Variants in ESCO1 observed in about 807,000 individuals in gnomAD.
ESCO1 encodes the protein establishment of sister chromatid cohesion N-acetyltransferase 1.
ESCO1 carries 33 observed loss-of-function variants against 83.5 expected under a neutral mutation model. The observed-to-expected ratio is 0.40, with a 90% confidence interval of 0.30 to 0.53. The LOEUF (loss-of-function observed/expected upper bound fraction) is 0.53, where lower values mean the gene tolerates loss of function less well. Ranked by LOEUF, ESCO1 falls within the 20% of genes least tolerant of loss-of-function variation. The probability of loss-of-function intolerance (pLI) is 0.63; values close to 1 mark genes in which losing one functional copy is unlikely to be tolerated. For missense variants in ESCO1, 855 were observed against 968.0 expected, an observed-to-expected ratio of 0.88 and a Z score of 1.55; for synonymous variants, 332 against 324.3, an observed-to-expected ratio of 1.02 and a Z score of -0.25.
intron 8 of ESCO1, among the ~76,000 whole-genome samples, chr18:21,543,721 C>T (rs2146178027): frequency 6.6e-6 from 1 of 152,036 alleles, no homozygotes; most frequent in South Asian, 2.1e-4. Context: ...AGAAATAAAA[C>T]CAACAACCAG....
intron 1 of ESCO1, among the ~76,000 whole-genome samples, chr18:21,591,842 G>A (rs1395869808): frequency 6.6e-6 from 1 of 151,484 alleles, no homozygotes; most frequent in Non-Finnish European, 1.5e-5. Context: ...GTGTCCCTGG[G>A]TACTTGAGAT....
intron 1 of ESCO1, chr18:21,597,081 C>T (rs984755081): frequency 1.3e-5 from 2 of 152,180 alleles, no homozygotes; most frequent in Non-Finnish European, 2.9e-5. Context: ...ATGCAAAACA[C>T]ATGTAGACAT....
At chr18:21,539,094 C>T (rs955453826) in intron 9 of ESCO1, among the ~76,000 whole-genome samples, 1 of 151,496 alleles carries the variant, frequency 6.6e-6, no homozygotes, top group Admixed American at 6.6e-5. Context: ...TTTATGTTTC[C>T]GCATTATATT....
At chr18:21,586,023 CTT>C (rs1047289102) in intron 1 of ESCO1, among the ~76,000 whole-genome samples, 3 of 152,218 alleles carry the variant, frequency 2.0e-5, no homozygotes, top group African/African-American at 7.2e-5. Context: ...ACCTCAAACA[CTT>C]ATTACTTGTA....
At chr18:21,554,664 C>T (rs2038089610) in intron 8 of ESCO1, among the ~76,000 whole-genome samples, 1 of 152,210 alleles carries the variant, frequency 6.6e-6, no homozygotes, top group South Asian at 2.1e-4. Flanking sequence ...AATCTCGGCA[C>T]TTTGGGAGAC....
intron 9 of ESCO1, among the ~76,000 whole-genome samples, chr18:21,536,894 G>A (rs2037845071): frequency 6.6e-6 from 1 of 152,126 alleles, no homozygotes; most frequent in African/African-American, 2.4e-5. Flanking sequence ...AGTGAGTATA[G>A]AGAAAAGGAA....
chr18:21,590,499 C>A (rs994305580), intron 1 of ESCO1, among the ~76,000 whole-genome samples: 6 of 152,080 alleles, frequency 3.9e-5, no homozygotes, highest in African/African-American at 1.4e-4. Flanking sequence ...GGAATACAGG[C>A]ATGAGCCACC....
chr18:21,587,201 G>T (rs2038594332), intron 1 of ESCO1, among the ~76,000 whole-genome samples: 1 of 152,164 alleles, frequency 6.6e-6, no homozygotes, highest in South Asian at 2.1e-4. Flanking sequence ...TAGTTTTCTT[G>T]TGATGTCTTT....
chr18:21,535,302 C>A (rs1269733607), intron 10 of ESCO1, among the ~76,000 whole-genome samples: 1 of 151,832 alleles, frequency 6.6e-6, no homozygotes, highest in Non-Finnish European at 1.5e-5. Flanking sequence ...ACAACCTCTG[C>A]CTCCTGGGTT....
At chr18:21,588,690 G>A (rs1014981508) in intron 1 of ESCO1, among the ~76,000 whole-genome samples, 1 of 152,160 alleles carries the variant, frequency 6.6e-6, no homozygotes, top group Non-Finnish European at 1.5e-5. Context: ...GCTGAGGCGT[G>A]CAAATCTCTT....
chr18:21,564,044 C>T (rs2038225309), intron 7 of ESCO1, among the ~76,000 whole-genome samples, 159 bp downstream of exon 7: 2 of 152,150 alleles, frequency 1.3e-5, no homozygotes, highest in African/African-American at 4.8e-5. Flanking sequence ...AGCAATCTGC[C>T]ACCCTCACCA....
chr18:21,597,637 A>C (rs1372022994), intron 1 of ESCO1, among the ~76,000 whole-genome samples: 2 of 152,174 alleles, frequency 1.3e-5, no homozygotes, highest in Non-Finnish European at 2.9e-5. Flanking sequence ...AACAAAAGCT[A>C]CTTGGAGTCC....
chr18:21,562,339 G>C (rs184306271), intron 7 of ESCO1, among the ~76,000 whole-genome samples: 1 of 152,058 alleles, frequency 6.6e-6, no homozygotes, highest in Admixed American at 6.6e-5. Flanking sequence ...AGCCAGGCAC[G>C]GTGGTGCGTG....
rs74651120 is a variant in ESCO1 at position 21,594,082 on chromosome 18, G to A, written c.-825+6541C>T. Among the ~76,000 whole-genome samples, 178 of 152,336 alleles carry A rather than the reference G, an allele frequency of 1.2e-3. 2 individuals carry two copies. Among genetic ancestry groups the A allele is most frequent in the African/African-American group, 4.2e-3 (175 of 41,588 alleles). ...CCCGACCTCCATCCACTAGATGCCA[G>A]TAGCAACCCTTCCCCTAGTCCTCAC... is the stretch of plus-strand genomic sequence containing the variant. On this transcript the variant is annotated intron_variant, in intron 1 of 11. Coordinates refer to ENST00000269214, the MANE Select transcript of ESCO1 (RefSeq NM_052911.3).
chr18:21,532,075 T>C (rs376415120), intron 11 of ESCO1, among the ~76,000 whole-genome samples: 11 of 152,244 alleles, frequency 7.2e-5, no homozygotes, highest in Non-Finnish European at 1.6e-4. Context: ...ATAAGAGATT[T>C]TGATAGTTTA....
chr18:21,574,179 T>G lies in ESCO1; in HGVS notation c.665A>C (p.Gln222Pro). The change falls in exon 4 of 12, where the codon CAA (glutamine) becomes CCA (proline). Residue 222 changes from glutamine (Q) to proline (P), a missense_variant. By Grantham distance (76) the Gln-to-Pro change is moderately conservative. Transcript: ENST00000269214. The part of the protein sequence containing the change: ...TACACSSQCT[Q>P]GSEKCPQKTT... ...CTTCTGAGGACACTTTTCAGATCCTTGCGTGCATTGAGAACTACAAGCACA... is the reference window on the plus strand; with the variant it reads ...CTTCTGAGGACACTTTTCAGATCCTGGCGTGCATTGAGAACTACAAGCACA... 1 of 1,613,950 alleles carries G rather than the reference T, an allele frequency of 6.2e-7. No homozygotes were observed. Among genetic ancestry groups the G allele is most frequent in the Non-Finnish European group, 8.5e-7 (1 of 1,180,002 alleles).
intron 2 of ESCO1, 125 bp downstream of exon 2, chr18:21,584,185 G>A (rs2038541949): frequency 6.6e-6 from 1 of 152,148 alleles, no homozygotes; most frequent in Non-Finnish European, 1.5e-5. Context: ...GTTTTATCAT[G>A]TAGACATATA....
chr18:21,566,283 C>T (rs1465765650), intron 5 of ESCO1, 77 bp from the exon 6 acceptor site: 3 of 1,360,104 alleles, frequency 2.2e-6, no homozygotes, highest in Non-Finnish European at 3.0e-6. Flanking sequence ...AATCATTATA[C>T]ATAAAGAAAA....
At chr18:21,565,069 C>T (rs1170102445) in intron 6 of ESCO1, among the ~76,000 whole-genome samples, 2 of 151,342 alleles carry the variant, frequency 1.3e-5, no homozygotes, top group East Asian at 3.9e-4. Flanking sequence ...AGCGAGACTC[C>T]GTCTCAAAAA....
Sources: allele counts gnomAD v4.1 joint callset (sites outside exome capture counted in the v4.1 genomes callset), GRCh38; gene constraint gnomAD v4.1.1; transcripts MANE v1.5; gene names NCBI Gene and HGNC (gene_info 2026-07-23, HGNC 2026-07-21).